NAV2: variants seen among roughly 807,000 people sequenced by gnomAD.
The protein encoded by NAV2 is neuron navigator 2.
NAV2 carries 54 observed loss-of-function variants against 223.2 expected under a neutral mutation model. The ratio of observed to expected loss-of-function variants is 0.24; its 90% CI spans 0.19 to 0.30. The LOEUF (loss-of-function observed/expected upper bound fraction) is 0.30. NAV2 is among the 10% of genes least tolerant of loss of function. NAV2 has a pLI of 1.00. For missense variants in NAV2, 2,806 were observed against 3,147.5 expected (o/e 0.89, Z 2.60); for synonymous variants, 1,279 against 1,239.3 (o/e 1.03, Z -0.67).
At chr11:19,873,277 G>A (rs1256828090) in intron 4 of NAV2, among the ~76,000 whole-genome samples, 2 of 152,116 alleles carry the variant, frequency 1.3e-5, no homozygotes, top group African/African-American at 4.8e-5. Context: ...TGTGTTAGTG[G>A]TAAGCACAGG....
intron 1 of NAV2, among the ~76,000 whole-genome samples, chr11:19,677,400 G>T (rs1335166818): frequency 6.6e-6 from 1 of 152,226 alleles, no homozygotes; most frequent in African/African-American, 2.4e-5. Context: ...CCATGGTCTG[G>T]GTGCCTCCCA....
At chr11:19,895,791 C>T (rs944988646) in intron 6 of NAV2, among the ~76,000 whole-genome samples, 2 of 152,146 alleles carry the variant, frequency 1.3e-5, no homozygotes, top group Non-Finnish European at 2.9e-5. Flanking sequence ...TCAGAAACTT[C>T]TGCATTTCCT....
chr11:19,532,844 C>T (rs1390141993), intron 1 of NAV2, among the ~76,000 whole-genome samples: 1 of 152,138 alleles, frequency 6.6e-6, no homozygotes, highest in African/African-American at 2.4e-5. Context: ...CTCTGGGGAC[C>T]CTCTACTTTC....
At chr11:19,944,611 TTC>T (rs1206106348) in intron 8 of NAV2, among the ~76,000 whole-genome samples, 1 of 150,568 alleles carries the variant, frequency 6.6e-6, no homozygotes, top group African/African-American at 2.4e-5. Flanking sequence ...CCTTTCTTTC[TTC>T]TTTCTTTTTC....
intron 1 of NAV2, among the ~76,000 whole-genome samples, chr11:19,545,283 C>A (rs866879340): frequency 1.3e-5 from 2 of 152,212 alleles, no homozygotes; most frequent in Non-Finnish European, 2.9e-5. Flanking sequence ...TCCAGGGGAG[C>A]TTGGTTTGGG....
intron 6 of NAV2, among the ~76,000 whole-genome samples, chr11:19,919,612 T>C (rs1418256992): frequency 1.3e-5 from 2 of 152,104 alleles, no homozygotes; most frequent in African/African-American, 4.8e-5. Flanking sequence ...CTCCATAGAG[T>C]TGGGTTAGAG....
At chr11:19,434,306 T>A (rs1485664253) in intron 1 of NAV2, among the ~76,000 whole-genome samples, 1 of 152,232 alleles carries the variant, frequency 6.6e-6, no homozygotes, top group Non-Finnish European at 1.5e-5. Flanking sequence ...TTAAGGCATC[T>A]TGGTCCCTGG....
chr11:19,579,680 G>A (rs1457344390), intron 1 of NAV2, among the ~76,000 whole-genome samples: 2 of 152,228 alleles, frequency 1.3e-5, no homozygotes, highest in African/African-American at 4.8e-5. Flanking sequence ...TAGGTATTTA[G>A]AGCAGAACCT....
chr11:19,350,643 T>C (rs939274311), upstream of NAV2: 2 of 403,732 alleles, frequency 5.0e-6, no homozygotes, highest in Admixed American at 3.6e-5. Context: ...CCTCAGGATA[T>C]GGACTTGTCT....
chr11:19,884,575 A>C (rs892817488), intron 5 of NAV2, among the ~76,000 whole-genome samples: 1 of 152,192 alleles, frequency 6.6e-6, no homozygotes, highest in East Asian at 1.9e-4. Flanking sequence ...GAAGTGACAG[A>C]GTGCAAGTGA....
intron 1 of NAV2, among the ~76,000 whole-genome samples, chr11:19,703,322 C>T (rs1040980656): frequency 1.3e-5 from 2 of 152,198 alleles, no homozygotes; most frequent in African/African-American, 4.8e-5. Context: ...AGACATTGAC[C>T]AGCAGCACCT....
chr11:19,524,738 G>C lies in NAV2; in HGVS notation c.75+173711G>C, dbSNP rs1490216389. Among the ~76,000 whole-genome samples, 4 of 152,248 alleles carry C rather than the reference G, an allele frequency of 2.6e-5. No homozygotes were observed. The East Asian group carries it at 7.7e-4, about 29-fold the overall frequency. ...TTTTAAGATATTAATTTCACATTGG[G>C]AAGTCCCAGCACCCCACTCTCAAAT... On this transcript the variant is annotated intron_variant, in intron 1 of 37. Transcript: ENST00000360655.
intron 1 of NAV2, among the ~76,000 whole-genome samples, chr11:19,564,581 G>A (rs2045206005): frequency 6.6e-6 from 1 of 151,964 alleles, no homozygotes; most frequent in African/African-American, 2.4e-5. Context: ...GAGCAACTGC[G>A]TGAGGTGCCT....
chr11:19,684,555 C>CT (rs1353103526), intron 1 of NAV2, among the ~76,000 whole-genome samples: 2 of 152,098 alleles, frequency 1.3e-5, no homozygotes, highest in Non-Finnish European at 1.5e-5. Flanking sequence ...AAACTTGGTG[C>CT]TTTTTGAGCT....
chr11:19,569,445 C>T (rs533834983), intron 1 of NAV2, among the ~76,000 whole-genome samples: 1 of 152,282 alleles, frequency 6.6e-6, no homozygotes, highest in African/African-American at 2.4e-5. Context: ...AAAAGAGTGT[C>T]TAGCATGTAA....
intron 1 of NAV2, among the ~76,000 whole-genome samples, chr11:19,470,507 GGAGA>G (rs145705319): frequency 6.6e-6 from 1 of 152,170 alleles, no homozygotes; most frequent in South Asian, 2.1e-4. Flanking sequence ...CCATGGCAAA[GGAGA>G]GAGAGACTGT....
At chr11:19,685,957 C>G (rs1231410532) in intron 1 of NAV2, among the ~76,000 whole-genome samples, 1 of 146,396 alleles carries the variant, frequency 6.8e-6, no homozygotes, top group Non-Finnish European at 1.5e-5. Context: ...TAAAACTCTC[C>G]AGAGGCTTCT....
intron 1 of NAV2, among the ~76,000 whole-genome samples, chr11:19,746,512 C>A (rs781542176): frequency 6.6e-6 from 1 of 152,078 alleles, no homozygotes; most frequent in Non-Finnish European, 1.5e-5. Flanking sequence ...ATTTATGGAG[C>A]ATGTTTACTG....
intron 1 of NAV2, among the ~76,000 whole-genome samples, chr11:19,452,107 AGTGTGTGTGTGTGTGTGTGTGTGT>A (rs60628637): frequency 3.4e-5 from 5 of 146,654 alleles, no homozygotes; most frequent in African/African-American, 7.6e-5. Flanking sequence ...AGGTTACAAA[AGTGTGTGTGTGTGTGTGTGTGTGT>A]GTGTGTGTGT....
Sources: gnomAD v4.1 joint callset for allele counts (sites outside exome capture counted in the v4.1 genomes callset) on GRCh38, gnomAD v4.1.1 for gene constraint, MANE v1.5 for transcripts, NCBI Gene and HGNC (gene_info 2026-07-23, HGNC 2026-07-21) for gene names.